EVC: variants seen among roughly 807,000 people sequenced by gnomAD.
EVC encodes EvC ciliary complex subunit 1, also known as evC complex member EVC.
A neutral mutation model predicts 118.9 loss-of-function variants in EVC; 116 were observed. That is an observed-to-expected ratio of 0.98 (90% CI 0.84 to 1.14). EVC has a LOEUF of 1.14. EVC is among the 50% of genes most tolerant of loss of function. The pLI is 0.00. For synonymous variants in EVC, 619 were observed against 534.7 expected, an observed-to-expected ratio of 1.16 and a Z score of -2.18; for missense variants, 1,401 against 1,246.4, an observed-to-expected ratio of 1.12 and a Z score of -1.87.
intron 11 of EVC, among the ~76,000 whole-genome samples, chr4:5,767,871 T>C (rs920573523): frequency 2.6e-5 from 4 of 152,198 alleles, no homozygotes; most frequent in Non-Finnish European, 5.9e-5. Flanking sequence ...TCTGCGTCGC[T>C]CACGCTGGGA....
intron 1 of EVC, among the ~76,000 whole-genome samples, chr4:5,717,477 C>G (rs1724167556): frequency 6.6e-6 from 1 of 152,174 alleles, no homozygotes; most frequent in South Asian, 2.1e-4. Context: ...GATGCTCCCT[C>G]TGTGGGATAT....
At chr4:5,818,493 T>C (rs969148579), downstream of EVC, among the ~76,000 whole-genome samples, 31 of 152,228 alleles carry the variant, frequency 2.0e-4, no homozygotes, top group African/African-American at 7.5e-4. Context: ...AATGTGGCAG[T>C]ACTGAAAGGT....
chr4:5,799,933 C>T (rs935317106), intron 15 of EVC, among the ~76,000 whole-genome samples: 5 of 152,206 alleles, frequency 3.3e-5, no homozygotes, highest in Admixed American at 1.3e-4. Flanking sequence ...TAAATGCTCG[C>T]TGCATGAAAA....
In EVC at chr4:5,731,555, G is replaced by A; in HGVS notation, c.515G>A (p.Cys172Tyr). 1 of 1,614,112 alleles carries A rather than the reference G, an allele frequency of 6.2e-7. No individual in the cohort carries two copies. Among genetic ancestry groups the A allele is most frequent in the Non-Finnish European group, 8.5e-7 (1 of 1,180,026 alleles). ...CTGAGCCAGGGTGAGAAGGACGACT[G>A]CAGCTCCTCATCCAGCGTCCACTCG... is the stretch of plus-strand genomic sequence containing the variant. Reference protein sequence around the residue: ...GSLSQGEKDDCSSSSSVHSAT... With the variant: ...GSLSQGEKDDYSSSSSVHSAT... The change falls in exon 4 of 21, where the codon TGC becomes TAC. Residue 172 changes from cysteine (C) to tyrosine (Y), a missense_variant. By Grantham distance (194) the Cys-to-Tyr change is radical. Transcript: ENST00000264956. The surrounding 1 kb of genome is among the most constrained non-coding windows in gnomAD (Gnocchi z 5.6).
At position 5,754,180 on chromosome 4, in the gene EVC, C is replaced by T. The variant is rs1265609967; in HGVS notation, c.1464+247C>T. Among the ~76,000 whole-genome samples, 4 of 152,104 alleles carry T rather than the reference C, an allele frequency of 2.6e-5. No individual in the cohort carries two copies. The highest frequency in any genetic ancestry group is 7.2e-5 in the African/African-American group (3 of 41,408). On this transcript the variant is annotated intron_variant, in intron 10 of 20. Coordinates refer to ENST00000264956, the MANE Select transcript of EVC (RefSeq NM_153717.3). This position sits in a 1 kb window ranked among gnomAD's most constrained non-coding sequence, Gnocchi z 5.8. Reference sequence around the variant, plus strand: ...GCTGAGAAGAGGAGGGGGTAGGATCCGTAGAGAGCTTGGCAGAGTGCAGAC... The same window carrying T: ...GCTGAGAAGAGGAGGGGGTAGGATCTGTAGAGAGCTTGGCAGAGTGCAGAC...
At chr4:5,775,212 T>C (rs1489257669) in intron 11 of EVC, among the ~76,000 whole-genome samples, 1 of 152,090 alleles carries the variant, frequency 6.6e-6, no homozygotes, top group African/African-American at 2.4e-5. Context: ...GAAAATAATG[T>C]CCATCATCCC....
rs1308448500 is a variant in EVC at position 5,743,833 on chromosome 4, A to G, written c.802-1371A>G. ...GAGTGGCCATTGTTATTTTTGTTTTACAGCTGAAGAAACTGAGACTCCATA... is the reference window on the plus strand; with the variant it reads ...GAGTGGCCATTGTTATTTTTGTTTTGCAGCTGAAGAAACTGAGACTCCATA... On this transcript the variant is annotated intron_variant, in intron 6 of 20. Coordinates refer to ENST00000264956, the MANE Select transcript of EVC (RefSeq NM_153717.3). The surrounding 1 kb of genome is among the most constrained non-coding windows in gnomAD (Gnocchi z 4.7). Among the ~76,000 whole-genome samples the G allele has an allele frequency of 6.6e-6, 1 of 152,158 alleles. No individual in the cohort carries two copies. Among genetic ancestry groups the G allele is most frequent in the Non-Finnish European group, 1.5e-5 (1 of 68,038 alleles).
At chr4:5,825,778 A>G in the EVC span, 2 of 528,678 alleles carry the variant, frequency 3.8e-6, no homozygotes, top group African/African-American at 9.7e-5. This position sits in a 1 kb window ranked among gnomAD's most constrained non-coding sequence, Gnocchi z 4.4. Flanking sequence ...ATGTGCATGC[A>G]CACACACACA....
rs910956694 is a variant in EVC at position 5,754,419 on chromosome 4, C to A, written c.1464+486C>A. 2.6e-5 allele frequency among the ~76,000 whole-genome samples: 4 copies of A among 152,050 alleles called. No homozygotes were observed. Among genetic ancestry groups the A allele is most frequent in the Non-Finnish European group, 5.9e-5 (4 of 68,008 alleles). On this transcript the variant is annotated intron_variant, in intron 10 of 20. Coordinates refer to ENST00000264956, the MANE Select transcript of EVC (RefSeq NM_153717.3). The surrounding 1 kb of genome is among the most constrained non-coding windows in gnomAD (Gnocchi z 5.8). ...CAGGAGGTGGCCAAGGTCAGAGGTA[C>A]CCTTGGTCTTGCCTGAGAAGGGGAC...
At chr4:5,807,414 C>T (rs941060401) in intron 17 of EVC, among the ~76,000 whole-genome samples, 2 of 152,134 alleles carry the variant, frequency 1.3e-5, no homozygotes, top group African/African-American at 4.8e-5. Flanking sequence ...GCACTCCACA[C>T]GCACAGCTGC....
chr4:5,796,949 T>C (rs1307053539), intron 13 of EVC, 73 bp from the exon 14 acceptor site: 3 of 1,142,572 alleles, frequency 2.6e-6, no homozygotes, highest in South Asian at 2.5e-5. Flanking sequence ...GGGCTGTGGC[T>C]GTTTGGGGAG....
chr4:5,780,958 T>G (rs1735517981), intron 11 of EVC, among the ~76,000 whole-genome samples: 2 of 152,204 alleles, frequency 1.3e-5, no homozygotes, highest in South Asian at 4.1e-4. Flanking sequence ...TCACATGAGT[T>G]GTGGCAGCAT....
At chr4:5,777,948 A>G (rs568845823) in intron 11 of EVC, among the ~76,000 whole-genome samples, 6 of 151,948 alleles carry the variant, frequency 3.9e-5, no homozygotes, top group African/African-American at 1.4e-4. Context: ...CTAACTCGTC[A>G]TCTAGCATTA....
rs1401000953 is a variant in EVC at position 5,737,549 on chromosome 4, C to T, written c.702+4114C>T. Among the ~76,000 whole-genome samples, 6 of 152,114 alleles carry T rather than the reference C, an allele frequency of 3.9e-5. No individual in the cohort carries two copies. The highest frequency in any genetic ancestry group is 1.9e-4 in the East Asian group (1 of 5,198). On this transcript the variant is annotated intron_variant, in intron 5 of 20. Coordinates refer to ENST00000264956, the MANE Select transcript of EVC (RefSeq NM_153717.3). This position sits in a 1 kb window ranked among gnomAD's most constrained non-coding sequence, Gnocchi z 5.0. ...CTGACTCTCTCGCTAGGGGCTAATG[C>T]GGGAGATGACTTTAAGTTGAAGCCA...
At chr4:5,721,107 GTC>G (rs1724889348) in intron 2 of EVC, among the ~76,000 whole-genome samples, 1 of 151,986 alleles carries the variant, frequency 6.6e-6, no homozygotes, top group East Asian at 1.9e-4. Flanking sequence ...CTGTCTCTGT[GTC>G]TCTCTTCCCC....
At chr4:5,767,992 TGTTCATTCATTCATTC>T (rs1473659879) in intron 11 of EVC, among the ~76,000 whole-genome samples, 58 of 152,304 alleles carry the variant, frequency 3.8e-4, no homozygotes, top group African/African-American at 1.3e-3. Context: ...TGGGAGAGTT[TGTTCATTCATTCATTC>T]GTTCATTCAT....
rs548119584 is a variant in EVC, at chr4:5,778,341, T to A, written c.1564-5211T>A. On this transcript the variant is annotated intron_variant, in intron 11 of 20. Coordinates refer to ENST00000264956, the MANE Select transcript of EVC (RefSeq NM_153717.3). ...TATAGCAGCATGATTTATAGTCCTT[T>A]GGGTATATACCCAGTAATGGGATGG... Among the ~76,000 whole-genome samples the A allele has an allele frequency of 2.6e-3, 400 of 152,216 alleles. 1 individual carries two copies. The highest frequency in any genetic ancestry group is 4.7e-3 in the Non-Finnish European group (322 of 68,028).
intron 5 of EVC, among the ~76,000 whole-genome samples, chr4:5,739,030 A>G (rs774841975): frequency 8.5e-5 from 13 of 152,212 alleles, no homozygotes; most frequent in Non-Finnish European, 1.8e-4. Flanking sequence ...CTAGAAAACC[A>G]AAAAATGTGT....
downstream of EVC, among the ~76,000 whole-genome samples, chr4:5,816,608 C>A (rs986623701): frequency 1.3e-5 from 2 of 149,136 alleles, no homozygotes; most frequent in African/African-American, 5.0e-5. Flanking sequence ...TCCTTACCCC[C>A]TCTGTCCTTC....
Sources: allele counts gnomAD v4.1 joint callset (sites outside exome capture counted in the v4.1 genomes callset), GRCh38; gene constraint gnomAD v4.1.1; non-coding constraint Gnocchi (gnomAD v3.1); transcripts MANE v1.5; gene names NCBI Gene and HGNC (gene_info 2026-07-23, HGNC 2026-07-21).